DCAF8L2: variants seen among roughly 807,000 people sequenced by gnomAD.
DCAF8L2 encodes the protein DDB1- and CUL4-associated factor 8-like protein 2.
For missense variants in DCAF8L2, 430 were observed against 490.7 expected (o/e 0.88, Z 1.17); for synonymous variants, 200 against 190.9 (o/e 1.05, Z -0.39).
chrX:27,729,431 A>G (rs1315028487), intron 4 of DCAF8L2, among the ~76,000 whole-genome samples: 5 of 112,429 alleles, frequency 4.4e-5, no homozygotes, highest in African/African-American at 6.5e-5. Flanking sequence ...CCACAGCCAT[A>G]TGGCAGCAAA....
chrX:27,568,978 C>T, the DCAF8L2 span, among the ~76,000 whole-genome samples: 12 of 63,871 alleles, frequency 1.9e-4, no homozygotes, highest in Non-Finnish European at 4.7e-4. Flanking sequence ...CACACACACA[C>T]ACACACACAC....
At chrX:27,604,846 A>C (rs180712398) in intron 1 of DCAF8L2, among the ~76,000 whole-genome samples, 2 of 112,231 alleles carry the variant, frequency 1.8e-5, no homozygotes, top group African/African-American at 6.5e-5. Flanking sequence ...GGAGGAAGAA[A>C]TAATAGGCAG....
intron 2 of DCAF8L2, among the ~76,000 whole-genome samples, chrX:27,640,565 C>G (rs1418899209): frequency 8.9e-6 from 1 of 112,016 alleles, no homozygotes. Context: ...TATAAATATT[C>G]AAGAATATCA....
chrX:27,550,894 T>C, the DCAF8L2 span, among the ~76,000 whole-genome samples: 1 of 111,508 alleles, frequency 9.0e-6, no homozygotes, highest in African/African-American at 3.3e-5. Flanking sequence ...TTTTCCAATA[T>C]TATGTGCTCA....
chrX:27,649,511 G>A (rs1016239660), intron 2 of DCAF8L2, among the ~76,000 whole-genome samples: 1 of 112,138 alleles, frequency 8.9e-6, no homozygotes, highest in East Asian at 2.8e-4. Flanking sequence ...TCTGACTGGT[G>A]TGAGATAATA....
chrX:27,500,164 C>T, the DCAF8L2 span, among the ~76,000 whole-genome samples: 2 of 111,583 alleles, frequency 1.8e-5, no homozygotes, highest in Non-Finnish European at 3.8e-5. Flanking sequence ...CTTACAGATA[C>T]TTGTGAATCT....
the DCAF8L2 span, among the ~76,000 whole-genome samples, chrX:27,526,023 G>T: frequency 9.0e-6 from 1 of 111,317 alleles, no homozygotes; most frequent in African/African-American, 3.3e-5. Flanking sequence ...CTCTTCTCAA[G>T]GAGTGTCTTT....
chrX:27,683,673 G>GCATCTGGGA (rs1569181240), intron 3 of DCAF8L2, among the ~76,000 whole-genome samples: 3 of 112,279 alleles, frequency 2.7e-5, no homozygotes, highest in Non-Finnish European at 5.6e-5. Context: ...AGATTTTAAA[G>GCATCTGGGA]CATCTGGGAC....
chrX:27,536,632 A>T, the DCAF8L2 span, among the ~76,000 whole-genome samples: 1 of 85,504 alleles, frequency 1.2e-5, no homozygotes, highest in African/African-American at 3.4e-5. Context: ...TTGACTGGGC[A>T]AAAAGGAAAA....
At chrX:27,612,072 G>A (rs953934373) in intron 1 of DCAF8L2, among the ~76,000 whole-genome samples, 4 of 111,459 alleles carry the variant, frequency 3.6e-5, no homozygotes, top group East Asian at 2.8e-4. Context: ...GTGTAAAAGC[G>A]TTCCTATTTC....
At chrX:27,558,927 A>G in the DCAF8L2 span, among the ~76,000 whole-genome samples, 1 of 110,434 alleles carries the variant, frequency 9.1e-6, no homozygotes, top group Admixed American at 9.7e-5. Context: ...TCTTATGCTC[A>G]AGGGCCTGAT....
upstream of DCAF8L2, among the ~76,000 whole-genome samples, chrX:27,587,633 G>C (rs1045766497): frequency 9.0e-6 from 1 of 111,060 alleles, no homozygotes; most frequent in Non-Finnish European, 1.9e-5. Flanking sequence ...TAACACTCAG[G>C]GATCCAAAAT....
the DCAF8L2 span, among the ~76,000 whole-genome samples, chrX:27,582,470 G>A: frequency 2.7e-5 from 3 of 110,120 alleles, no homozygotes; most frequent in Admixed American, 9.8e-5. Context: ...TTATAATCTC[G>A]GTACTAATGA....
intron 1 of DCAF8L2, among the ~76,000 whole-genome samples, chrX:27,594,674 T>A (rs1926268785): frequency 1.8e-5 from 2 of 111,714 alleles, no homozygotes; most frequent in East Asian, 2.8e-4. Flanking sequence ...TGCTAAAAAA[T>A]TTCTAAATAG....
At chrX:27,684,815 G>A (rs1930446677) in intron 3 of DCAF8L2, among the ~76,000 whole-genome samples, 1 of 111,640 alleles carries the variant, frequency 9.0e-6, no homozygotes, top group Non-Finnish European at 1.9e-5. Context: ...TGATCCTGCA[G>A]ACTTGTTTTT....
chrX:27,645,137 A>G (rs1164707972), intron 2 of DCAF8L2, among the ~76,000 whole-genome samples: 1 of 111,904 alleles, frequency 8.9e-6, no homozygotes, highest in Non-Finnish European at 1.9e-5. Flanking sequence ...CTTCAGGCCA[A>G]TATCTCTGAT....
chrX:27,582,084 T>C, the DCAF8L2 span, among the ~76,000 whole-genome samples: 2 of 111,632 alleles, frequency 1.8e-5, no homozygotes, highest in Non-Finnish European at 3.8e-5. Context: ...AAATTGTTTA[T>C]TGAGGTCACT....
chrX:27,651,745 C>T (rs2147200660), intron 2 of DCAF8L2, among the ~76,000 whole-genome samples: 1 of 109,855 alleles, frequency 9.1e-6, no homozygotes, highest in Admixed American at 9.8e-5. Context: ...CTCCTGACTT[C>T]ATGATCCACC....
the DCAF8L2 span, chrX:27,517,737 G>A: frequency 9.1e-7 from 1 of 1,097,412 alleles, no homozygotes; most frequent in Non-Finnish European, 1.3e-6. Context: ...TTCAGCTTAT[G>A]CAGAACATAT....
Sources: gnomAD v4.1 joint callset for allele counts (sites outside exome capture counted in the v4.1 genomes callset) on GRCh38, gnomAD v4.1.1 for gene constraint, MANE v1.5 for transcripts, NCBI Gene and HGNC (gene_info 2026-07-23, HGNC 2026-07-21) for gene names.